The following ARHGDIB variants were observed in gnomAD, a reference collection of about 807,000 sequenced individuals.
The protein encoded by ARHGDIB is Rho GDP dissociation inhibitor beta.
ARHGDIB carries 20 observed loss-of-function variants against 22.6 expected under a neutral mutation model. The ratio of observed to expected loss-of-function variants is 0.88; its 90% CI spans 0.62 to 1.28. The LOEUF is 1.28. ARHGDIB is among the 50% of genes most tolerant of loss of function. The pLI, the probability that ARHGDIB is intolerant of heterozygous loss-of-function variation, is 0.00. For synonymous variants in ARHGDIB, 114 were observed against 96.1 expected, an observed-to-expected ratio of 1.19 and a Z score of -1.09; for missense variants, 254 against 245.4, an observed-to-expected ratio of 1.04 and a Z score of -0.23.
chr12:14,952,842 C>T (rs553135759), intron 1 of ARHGDIB, among the ~76,000 whole-genome samples: 7 of 152,310 alleles, frequency 4.6e-5, no homozygotes, highest in South Asian at 4.1e-4. Flanking sequence ...TCTAACAAGT[C>T]GCCTGATTGA....
chr12:14,947,295 T>C (rs1864040686), intron 4 of ARHGDIB, among the ~76,000 whole-genome samples: 1 of 152,228 alleles, frequency 6.6e-6, no homozygotes, highest in Non-Finnish European at 1.5e-5. Context: ...TCTTATTTAG[T>C]TTCCTCTTTC....
chr12:14,945,705 G>T (rs1237570462), intron 4 of ARHGDIB, among the ~76,000 whole-genome samples: 1 of 152,212 alleles, frequency 6.6e-6, no homozygotes, highest in Non-Finnish European at 1.5e-5. Context: ...CTGTCCTTTT[G>T]TGTTGGACAC....
chr12:14,953,787 A>G (rs1195754617), intron 1 of ARHGDIB, among the ~76,000 whole-genome samples: 2 of 152,092 alleles, frequency 1.3e-5, no homozygotes, highest in Non-Finnish European at 2.9e-5. Context: ...GTGGAGTGTT[A>G]CAGAGGAAGG....
chr12:14,942,561 C>G lies in ARHGDIB; in HGVS notation c.567G>C (p.Trp189Cys). ...TDDDKQDHLS[W>C]EWNLSIKKEW... is the part of the protein sequence containing the mutation. Reference sequence around the variant, plus strand: ...CCTTCTTAATCGACAGGTTCCACTCCCAGCTGAGGTGGTCTTGCTTGTCAT... The same window carrying G: ...CCTTCTTAATCGACAGGTTCCACTCGCAGCTGAGGTGGTCTTGCTTGTCAT... Residue 189 changes from tryptophan (W) to cysteine (C), a missense_variant, in exon 6 of 6, where the codon TGG (tryptophan) becomes TGC (cysteine). Trp to Cys is a radical substitution (Grantham distance 215). Coordinates refer to ENST00000228945, the MANE Select transcript of ARHGDIB (RefSeq NM_001175.7). The G allele has an allele frequency of 6.2e-7, 1 of 1,614,130 alleles. No individual in the cohort carries two copies. The highest frequency in any genetic ancestry group is 8.5e-7 in the Non-Finnish European group (1 of 1,180,020).
chr12:14,946,595 G>A (rs1378528888), intron 4 of ARHGDIB, among the ~76,000 whole-genome samples: 1 of 152,110 alleles, frequency 6.6e-6, no homozygotes, highest in Non-Finnish European at 1.5e-5. Context: ...GTACTCAAAA[G>A]CCCCTTTCTG....
intron 5 of ARHGDIB, 82 bp downstream of exon 5, chr12:14,944,694 T>C (rs748504248): frequency 4.2e-5 from 56 of 1,346,320 alleles, no homozygotes; most frequent in South Asian, 7.6e-5. Flanking sequence ...TCTGAGTCTA[T>C]AGCTAAAAGT....
In ARHGDIB at chr12:14,947,937, G is replaced by A. The variant is rs1864061225; in HGVS notation, c.278C>T (p.Ala93Val). 5 of 1,611,634 alleles carry A rather than the reference G, an allele frequency of 3.1e-6. No individual in the cohort carries two copies. Among genetic ancestry groups the A allele is most frequent in the Non-Finnish European group, 4.2e-6 (5 of 1,177,802 alleles). ...TAACACAATGGTTTCCTTTTTGAGG[G>A]CTTCCAGATCTCCTGTAGAAGAAGA... ...ITMDLTGDLE[A>V]LKKETIVLKE... Residue 93 changes from alanine to valine, a missense_variant, in exon 4 of 6, where the codon GCC becomes GTC. Physicochemically the swap from Ala to Val is moderately conservative, Grantham distance 64 (BLOSUM62 0). Coordinates refer to ENST00000228945, the MANE Select transcript of ARHGDIB (RefSeq NM_001175.7).
intron 5 of ARHGDIB, among the ~76,000 whole-genome samples, chr12:14,943,407 T>A (rs1243695867): frequency 9.6e-6 from 1 of 104,510 alleles, no homozygotes; most frequent in African/African-American, 3.0e-5. Context: ...TGTTGTTGTT[T>A]TTTTTATGGA....
At chr12:14,949,274 G>A (rs1247035314) in intron 3 of ARHGDIB, among the ~76,000 whole-genome samples, 1 of 152,120 alleles carries the variant, frequency 6.6e-6, no homozygotes, top group Non-Finnish European at 1.5e-5. Context: ...TAAGGTGAAA[G>A]AAAATAACAT....
intron 1 of ARHGDIB, among the ~76,000 whole-genome samples, chr12:14,955,064 A>G (rs1187045734): frequency 2.6e-5 from 4 of 152,212 alleles, no homozygotes; most frequent in Non-Finnish European, 5.9e-5. Flanking sequence ...TTTCTCCCAG[A>G]CATAAAATTA....
chr12:14,954,119 C>G (rs141411522), intron 1 of ARHGDIB, among the ~76,000 whole-genome samples: 1 of 152,062 alleles, frequency 6.6e-6, no homozygotes, highest in African/African-American at 2.4e-5. Flanking sequence ...GCTGGGACTA[C>G]GGGCACATGC....
chr12:14,945,409 G>A (rs1863989742), intron 4 of ARHGDIB, among the ~76,000 whole-genome samples: 1 of 152,238 alleles, frequency 6.6e-6, no homozygotes, highest in Non-Finnish European at 1.5e-5. Flanking sequence ...TATGTTGGAT[G>A]TCTGTCATTT....
rs888474397 is a variant in ARHGDIB, at chr12:14,949,812, C to T, written c.255G>A (p.Met85Ile). 1.4e-5 allele frequency: 23 copies of T among 1,613,416 alleles called. No individual in the cohort carries two copies. The highest frequency in any genetic ancestry group is 8.3e-5 in the Admixed American group (5 of 59,982). Reference protein sequence around the residue: ...VCESAPGPITMDLTGDLEALK... With the variant: ...VCESAPGPITIDLTGDLEALK... ...GATGTGTCTACATACCAGTAAGGTCCATGGTGATTGGTCCCGGGGCACTCT... is the reference window on the plus strand; with the variant it reads ...GATGTGTCTACATACCAGTAAGGTCTATGGTGATTGGTCCCGGGGCACTCT... Residue 85 changes from methionine (M) to isoleucine (I), a missense_variant, in exon 3 of 6, where the codon ATG becomes ATA. Met to Ile is a conservative substitution (Grantham distance 10). Transcript: ENST00000228945.
chr12:14,952,130 T>C (rs16910403), intron 1 of ARHGDIB, among the ~76,000 whole-genome samples: 2,362 of 152,198 alleles, frequency 0.016, 52 homozygotes, highest in African/African-American at 0.052. Context: ...TCCTGAGTGG[T>C]TCTGCAAACC....
Position 14,944,757 on chromosome 12 carries a change from G to T in ARHGDIB, c.406+19C>A. On this transcript the variant is annotated intron_variant, in intron 5 of 5. Transcript: ENST00000228945. The stretch of plus-strand genomic sequence containing the variant: ...ATGAGAAGCAGTTTGGGACAGTGTG[G>T]AAATGTGGGTTCCCTTACCTTTCAC... 1 of 1,611,642 alleles carries T rather than the reference G, an allele frequency of 6.2e-7. No homozygotes were observed.
chr12:14,950,697 G>A lies in ARHGDIB; in HGVS notation c.16C>T (p.Pro6Ser). The change falls in exon 2 of 6, where the codon CCA (proline) becomes TCA (serine). Residue 6 changes from proline (P) to serine (S), a missense_variant. Pro to Ser is a moderately conservative substitution (Grantham distance 74). Transcript: ENST00000228945. ...TCATCCTCCTCCACATGTGGCTCTG[G>A]GGCTTTTTCAGTCATTCTGATCTAT... MTEKA[P>S]EPHVEEDDDD... 1 of 1,607,978 alleles carries A rather than the reference G, an allele frequency of 6.2e-7. No individual in the cohort carries two copies.
chr12:14,948,102 A>ACG (rs1414087608), intron 3 of ARHGDIB, among the ~76,000 whole-genome samples, 153 bp from the exon 4 acceptor site: 1 of 30,632 alleles, frequency 3.3e-5, no homozygotes, highest in Non-Finnish European at 1.1e-4. Context: ...TAGTCCTTGC[A>ACG]CACACACACA....
intron 1 of ARHGDIB, among the ~76,000 whole-genome samples, chr12:14,952,043 C>A (rs1380074677): frequency 2.6e-5 from 4 of 152,132 alleles, no homozygotes; most frequent in Non-Finnish European, 4.4e-5. Context: ...TTGAGGGTAA[C>A]TCTTTTCCCT....
chr12:14,942,660 G>A lies in ARHGDIB; in HGVS notation c.468C>T (p.Leu156=). ...YGPRPEEYEF[L]TPVEEAPKGM... is the part of the protein sequence containing the mutation. ...CCTTGGGAGCCTCCTCAACTGGAGTGAGGAACTCATACTCCTCAGGCCGAG... is the reference window on the plus strand; with the variant it reads ...CCTTGGGAGCCTCCTCAACTGGAGTAAGGAACTCATACTCCTCAGGCCGAG... The change falls in exon 6 of 6, where the codon CTC becomes CTT. Residue 156 remains leucine, a synonymous_variant. Coordinates refer to ENST00000228945, the MANE Select transcript of ARHGDIB (RefSeq NM_001175.7). 3 of 1,614,138 alleles carry A rather than the reference G, an allele frequency of 1.9e-6. No homozygotes were observed. The highest frequency in any genetic ancestry group is 2.5e-6 in the Non-Finnish European group (3 of 1,180,016).
Sources: allele counts gnomAD v4.1 joint callset (sites outside exome capture counted in the v4.1 genomes callset), GRCh38; gene constraint gnomAD v4.1.1; transcripts MANE v1.5; gene names NCBI Gene and HGNC (gene_info 2026-07-23, HGNC 2026-07-21).